The following TATDN2 variants were observed in gnomAD, a reference collection of about 807,000 sequenced individuals.
TATDN2 encodes the protein 3'-5' RNA nuclease TATDN2.
A neutral mutation model predicts 60.3 loss-of-function variants in TATDN2; 44 were observed. The ratio of observed to expected loss-of-function variants is 0.73; its 90% CI spans 0.57 to 0.94. TATDN2 has a LOEUF of 0.94. Ranked by LOEUF, TATDN2 falls within the 40% of genes least tolerant of loss-of-function variation. The probability of loss-of-function intolerance (pLI) is 0.00; values close to 1 mark genes in which losing one functional copy is unlikely to be tolerated. For synonymous variants in TATDN2, 399 were observed against 355.8 expected (o/e 1.12, Z -1.37); for missense variants, 997 against 948.0 (o/e 1.05, Z -0.68).
At chr3:10,251,154 G>A (rs1326411531) in intron 2 of TATDN2, among the ~76,000 whole-genome samples, 1 of 152,056 alleles carries the variant, frequency 6.6e-6, no homozygotes, top group South Asian at 2.1e-4. Context: ...GGTTATTGTG[G>A]GCCACGCACT....
chr3:10,265,031 T>TC (rs1283121605), intron 3 of TATDN2, among the ~76,000 whole-genome samples: 2 of 148,716 alleles, frequency 1.3e-5, no homozygotes, highest in East Asian at 4.0e-4. Context: ...TTTTTTTTTT[T>TC]TTCCTGTGCG....
chr3:10,274,954 A>G (rs1397575613), intron 4 of TATDN2, among the ~76,000 whole-genome samples: 7 of 152,168 alleles, frequency 4.6e-5, no homozygotes, highest in Non-Finnish European at 1.0e-4. Flanking sequence ...ACTCATGGAA[A>G]CATTAATATG....
In TATDN2 at chr3:10,249,497, A is replaced by G. The variant is rs1285636867; in HGVS notation, c.297A>G (p.Lys99=). 1 of 1,612,236 alleles carries G rather than the reference A, an allele frequency of 6.2e-7. No individual in the cohort carries two copies. Among genetic ancestry groups the G allele is most frequent in the South Asian group, 1.1e-5 (1 of 90,958 alleles). Residue 99 remains lysine (K), a synonymous_variant, in exon 2 of 8, where the codon AAA becomes AAG. Transcript: ENST00000448281. ...LGPGVGGAAS[K]GCLIRNTRGF... is the part of the protein sequence containing the mutation. Reference sequence around the variant, plus strand: ...CTGGTGTGGGCGGGGCCGCCTCCAAAGGCTGCCTGATTCGGAACACTCGGG... The same window carrying G: ...CTGGTGTGGGCGGGGCCGCCTCCAAGGGCTGCCTGATTCGGAACACTCGGG...
intron 2 of TATDN2, among the ~76,000 whole-genome samples, chr3:10,253,744 C>T (rs1470883108): frequency 6.6e-6 from 1 of 152,222 alleles, no homozygotes; most frequent in African/African-American, 2.4e-5. Flanking sequence ...ATTATCTCCA[C>T]ATATCCATTA....
chr3:10,278,256 C>T lies in TATDN2; in HGVS notation c.1962-23C>T, dbSNP rs1169280490. 1 of 1,609,014 alleles carries T rather than the reference C, an allele frequency of 6.2e-7. No individual in the cohort carries two copies. Among genetic ancestry groups the T allele is most frequent in the African/African-American group, 1.3e-5 (1 of 74,852 alleles). On this transcript the variant is annotated intron_variant, in intron 5 of 7. Coordinates refer to ENST00000448281, the MANE Select transcript of TATDN2 (RefSeq NM_014760.4). The surrounding 1 kb of genome is among the most constrained non-coding windows in gnomAD (Gnocchi z 4.7). ...GCTGCAGAGGGGACTGTGAGCAGCC[C>T]TGATGTGGAGTTCTGTCTCCAGGCA...
chr3:10,271,475 G>A (rs562116142), intron 4 of TATDN2, among the ~76,000 whole-genome samples: 6 of 151,862 alleles, frequency 4.0e-5, no homozygotes, highest in Admixed American at 6.6e-5. Context: ...CACTACACCC[G>A]GCTAATTTTT....
At chr3:10,261,649 T>C (rs1698404875) in intron 3 of TATDN2, among the ~76,000 whole-genome samples, 1 of 152,200 alleles carries the variant, frequency 6.6e-6, no homozygotes, top group Non-Finnish European at 1.5e-5. Flanking sequence ...ATTACAGGCA[T>C]GAGCCACTGT....
rs563437973 is a variant in TATDN2, at chr3:10,254,433, C to G, written c.414+4819C>G. On this transcript the variant is annotated intron_variant, in intron 2 of 7. Coordinates refer to ENST00000448281, the MANE Select transcript of TATDN2 (RefSeq NM_014760.4). Reference sequence around the variant, plus strand: ...TGGAGTGCTTGGGGCACTGCTGGCCCTCCCTTCTCTCATCCGTGCTCTCCT... The same window carrying G: ...TGGAGTGCTTGGGGCACTGCTGGCCGTCCCTTCTCTCATCCGTGCTCTCCT... Among the ~76,000 whole-genome samples, 195 of 152,318 alleles carry G rather than the reference C, an allele frequency of 1.3e-3. 2 individuals carry two copies. The highest frequency in any genetic ancestry group is 6.8e-4 in the Non-Finnish European group (46 of 68,028).
chr3:10,278,803 G>A lies in TATDN2; in HGVS notation c.2146-82G>A, dbSNP rs1698676573. 5.0e-6 allele frequency: 8 copies of A among 1,602,862 alleles called. No homozygotes were observed. The highest frequency in any genetic ancestry group is 6.0e-6 in the Non-Finnish European group (7 of 1,174,610). On this transcript the variant is annotated intron_variant, in intron 6 of 7. Coordinates refer to ENST00000448281, the MANE Select transcript of TATDN2 (RefSeq NM_014760.4). This position sits in a 1 kb window ranked among gnomAD's most constrained non-coding sequence, Gnocchi z 4.7. ...GGGCAGCCCCAAAGAGGTCCTTGCT[G>A]GGGAAGGGACAGGGAGGGAGTTCTA...
intron 2 of TATDN2, among the ~76,000 whole-genome samples, chr3:10,252,436 C>A (rs895354054): frequency 3.9e-5 from 6 of 152,198 alleles, no homozygotes; most frequent in Non-Finnish European, 7.3e-5. Flanking sequence ...GCTGAAGTCT[C>A]TTCCTGGAGT....
chr3:10,274,610 G>A lies in TATDN2; in HGVS notation c.1834-1751G>A, dbSNP rs560302181. 9.8e-4 allele frequency among the ~76,000 whole-genome samples: 149 copies of A among 152,256 alleles called. 1 individual carries two copies. The highest frequency in any genetic ancestry group is 3.4e-3 in the African/African-American group (142 of 41,540). The stretch of plus-strand genomic sequence containing the variant: ...CCTCTGCTGCCTGTGTGTAGGGGTC[G>A]GGGAGGGCAGATGAACAGCTTAGCA... On this transcript the variant is annotated intron_variant, in intron 4 of 7. Coordinates refer to ENST00000448281, the MANE Select transcript of TATDN2 (RefSeq NM_014760.4).
intron 2 of TATDN2, among the ~76,000 whole-genome samples, chr3:10,250,402 C>T (rs562660260): frequency 1.3e-5 from 2 of 151,922 alleles, no homozygotes; most frequent in Non-Finnish European, 2.9e-5. Flanking sequence ...TCACTTTCCC[C>T]TTAGAGTTTG....
chr3:10,255,992 T>C (rs939786435), intron 2 of TATDN2, among the ~76,000 whole-genome samples: 6 of 152,172 alleles, frequency 3.9e-5, no homozygotes, highest in African/African-American at 1.4e-4. Context: ...AACTGAAGAA[T>C]TGAATGACAT....
intron 3 of TATDN2, among the ~76,000 whole-genome samples, chr3:10,268,053 A>G (rs1174410001): frequency 1.3e-5 from 2 of 152,244 alleles, no homozygotes; most frequent in East Asian, 3.8e-4. Context: ...GGGAAATTGC[A>G]AACATTCAAA....
At chr3:10,265,681 C>CAAAAAA (rs60093055) in intron 3 of TATDN2, among the ~76,000 whole-genome samples, 2 of 62,706 alleles carry the variant, frequency 3.2e-5, no homozygotes, top group African/African-American at 5.5e-5. Flanking sequence ...GACTCCGTCT[C>CAAAAAA]AAAAAAAAAA....
chr3:10,252,382 G>C (rs946764313), intron 2 of TATDN2, among the ~76,000 whole-genome samples: 8 of 152,060 alleles, frequency 5.3e-5, no homozygotes, highest in African/African-American at 1.7e-4. Context: ...CACTCTTGTC[G>C]AGTGAGGGTT....
At chr3:10,253,731 G>A (rs1156688356) in intron 2 of TATDN2, among the ~76,000 whole-genome samples, 2 of 152,122 alleles carry the variant, frequency 1.3e-5, no homozygotes, top group South Asian at 2.1e-4. Flanking sequence ...TGAAGTAGGT[G>A]GTATTATCTC....
At chr3:10,255,012 A>ACCCCCCC (rs201801360) in intron 2 of TATDN2, among the ~76,000 whole-genome samples, 1 of 39,086 alleles carries the variant, frequency 2.6e-5, no homozygotes, top group Non-Finnish European at 5.3e-5. Context: ...CCCACTTCCC[A>ACCCCCCC]CTCCCCCTCC....
intron 2 of TATDN2, among the ~76,000 whole-genome samples, chr3:10,258,951 C>T (rs1200945172): frequency 6.6e-6 from 1 of 151,992 alleles, no homozygotes; most frequent in East Asian, 1.9e-4. Flanking sequence ...CTCACTGAAA[C>T]CTCTGCCTCC....
Sources: gnomAD v4.1 joint callset for allele counts (sites outside exome capture counted in the v4.1 genomes callset) on GRCh38, gnomAD v4.1.1 for gene constraint, Gnocchi (gnomAD v3.1) non-coding constraint, MANE v1.5 for transcripts, NCBI Gene and HGNC (gene_info 2026-07-23, HGNC 2026-07-21) for gene names.